Variants in FNDC3A observed in about 807,000 individuals in gnomAD.
The protein encoded by FNDC3A is fibronectin type-III domain-containing protein 3A.
A neutral mutation model predicts 148.9 loss-of-function variants in FNDC3A; 32 were observed. The ratio of observed to expected loss-of-function variants is 0.21; its 90% CI spans 0.16 to 0.29. The LOEUF is 0.29. Among genes scored for constraint, FNDC3A ranks in the 10% least tolerant of loss-of-function variants. The pLI is 1.00. For missense variants in FNDC3A, 1,191 were observed against 1,452.8 expected, an observed-to-expected ratio of 0.82 and a Z score of 2.93; for synonymous variants, 472 against 473.6, an observed-to-expected ratio of 1.00 and a Z score of 0.04.
chr13:49,046,782 C>G (rs996659848), intron 2 of FNDC3A: 2 of 152,042 alleles, frequency 1.3e-5, no homozygotes, highest in African/African-American at 4.8e-5. Context: ...ATGAGTCTAC[C>G]CAGTCTTCCG....
chr13:48,985,894 C>A (rs1951782120), intron 1 of FNDC3A, among the ~76,000 whole-genome samples: 1 of 152,220 alleles, frequency 6.6e-6, no homozygotes, highest in Non-Finnish European at 1.5e-5. Flanking sequence ...CATAACAACA[C>A]ATGCAAGGCT....
At chr13:49,146,203 T>C in intron 8 of FNDC3A, 1 of 329,836 alleles carries the variant, frequency 3.0e-6, no homozygotes, top group Non-Finnish European at 5.5e-6. Flanking sequence ...AGTATTCACG[T>C]ATTCTTAATG....
At chr13:48,987,961 T>A (rs1373597482) in intron 1 of FNDC3A, 3 of 152,178 alleles carry the variant, frequency 2.0e-5, no homozygotes, top group African/African-American at 7.2e-5. Flanking sequence ...GCAGAGAAGA[T>A]TAGCATGGCC....
chr13:49,160,120 A>T (rs1883998339), intron 8 of FNDC3A, among the ~76,000 whole-genome samples: 1 of 152,182 alleles, frequency 6.6e-6, no homozygotes, highest in Non-Finnish European at 1.5e-5. Flanking sequence ...TATCAGGATG[A>T]TGCTGGCCTC....
At chr13:49,190,513 A>G (rs1399290854) in intron 17 of FNDC3A, among the ~76,000 whole-genome samples, 2 of 152,184 alleles carry the variant, frequency 1.3e-5, no homozygotes, top group Admixed American at 6.5e-5. Flanking sequence ...CCAAGACCCC[A>G]TCTCTAAAAA....
intron 2 of FNDC3A, among the ~76,000 whole-genome samples, chr13:49,010,406 T>C (rs1952315942): frequency 6.6e-6 from 1 of 152,274 alleles, no homozygotes; most frequent in East Asian, 1.9e-4. Flanking sequence ...TCTGTAAGAA[T>C]TGGCTATCCC....
intron 1 of FNDC3A, among the ~76,000 whole-genome samples, chr13:49,000,238 C>T (rs1952101490): frequency 6.6e-6 from 1 of 152,040 alleles, no homozygotes; most frequent in Admixed American, 6.6e-5. Flanking sequence ...ATCTTTAATC[C>T]ATTTTGAGTT....
At chr13:49,103,952 A>G (rs1335245207) in intron 3 of FNDC3A, among the ~76,000 whole-genome samples, 2 of 152,196 alleles carry the variant, frequency 1.3e-5, no homozygotes, top group Non-Finnish European at 2.9e-5. Flanking sequence ...TTGAGAGATC[A>G]TGTAGAATAA....
At chr13:48,993,747 G>A (rs988098527) in intron 1 of FNDC3A, among the ~76,000 whole-genome samples, 4 of 152,088 alleles carry the variant, frequency 2.6e-5, no homozygotes, top group African/African-American at 9.7e-5. Flanking sequence ...GAACCTAGGT[G>A]GCAAGTATAT....
rs955818472 is a variant in FNDC3A at position 48,976,149 on chromosome 13, C to T, written c.-68C>T. 6.6e-6 allele frequency: 1 copy of T among 152,312 alleles called. No homozygotes were observed. The highest frequency in any genetic ancestry group is 2.4e-5 in the African/African-American group (1 of 41,470). The allele number at this position is 152,312 out of a possible 1,614,324, so 9.4% of individuals were successfully genotyped here. ...TAAGAAGAGGCGCCAGAGGAGCCGC[C>T]TTCTGCCTCAGAACGGCGTGACTCG... is the stretch of plus-strand genomic sequence containing the variant. On this transcript the variant is annotated 5_prime_UTR_variant, in exon 1 of 26. Transcript: ENST00000492622.
intron 2 of FNDC3A, among the ~76,000 whole-genome samples, chr13:49,012,343 G>C (rs1002806853): frequency 1.3e-5 from 2 of 152,030 alleles, no homozygotes; most frequent in Non-Finnish European, 2.9e-5. Context: ...TTGATCTCCT[G>C]ACCTCGTGAT....
intron 5 of FNDC3A, among the ~76,000 whole-genome samples, chr13:49,134,841 CTTTTTTT>C (rs1168216037): frequency 0.051 from 135 of 2,638 alleles, no homozygotes; most frequent in Non-Finnish European, 0.069. Context: ...GAGTTTCACT[CTTTTTTT>C]TTTTTTTTTT....
intron 2 of FNDC3A, chr13:49,045,167 C>G (rs1593512064): frequency 6.0e-6 from 1 of 166,514 alleles, no homozygotes; most frequent in Non-Finnish European, 1.2e-5. Context: ...TCCTTTCCTT[C>G]TTTTTTAATG....
At chr13:49,178,469 TAGA>T in intron 13 of FNDC3A, 96 bp from the exon 14 acceptor site, 1 of 733,890 alleles carries the variant, frequency 1.4e-6, no homozygotes, top group Non-Finnish European at 2.4e-6. Flanking sequence ...TTGCACATAG[TAGA>T]AGATGAAGAG....
intron 3 of FNDC3A, among the ~76,000 whole-genome samples, chr13:49,098,205 C>T (rs17072699): frequency 0.02 from 3,009 of 152,104 alleles, 109 homozygotes; most frequent in African/African-American, 0.068. Flanking sequence ...CTAGCACAAC[C>T]CTTTTTGACA....
chr13:49,112,537 A>G (rs1880643456), intron 3 of FNDC3A, among the ~76,000 whole-genome samples: 1 of 152,198 alleles, frequency 6.6e-6, no homozygotes, highest in Non-Finnish European at 1.5e-5. Flanking sequence ...TTACGGATGT[A>G]AAGACAACAA....
chr13:49,207,177 T>A lies in FNDC3A; in HGVS notation c.3379T>A (p.Ser1127Thr), dbSNP rs1485117161. 1.2e-6 allele frequency: 2 copies of A among 1,614,078 alleles called. No individual in the cohort carries two copies. Among genetic ancestry groups the A allele is most frequent in the Admixed American group, 1.7e-5 (1 of 60,020 alleles). Residue 1127 changes from serine (S) to threonine (T), a missense_variant, in exon 26 of 26, where the codon TCT becomes ACT. Physicochemically the swap from Ser to Thr is moderately conservative, Grantham distance 58 (BLOSUM62 1). This residue lies in a region of FNDC3A where 751 missense variants were observed against 944.0 expected (regional missense o/e 0.80). Coordinates refer to ENST00000492622, the MANE Select transcript of FNDC3A (RefSeq NM_001079673.2). ...ATGTGCCATTCGCCAGTGCCAAGAC[T>A]CTCTGGGACACCAGGACCTCGTAGG... is the stretch of plus-strand genomic sequence containing the variant. ...RVCAIRQCQD[S>T]LGHQDLVGPY... is the part of the protein sequence containing the mutation.
chr13:49,005,561 C>A (rs1028822167), intron 1 of FNDC3A, among the ~76,000 whole-genome samples: 3 of 151,780 alleles, frequency 2.0e-5, no homozygotes, highest in African/African-American at 7.3e-5. Context: ...GTAATACAAT[C>A]AAAATAAGTA....
At chr13:49,045,733 C>T in intron 2 of FNDC3A, 1 of 962,224 alleles carries the variant, frequency 1.0e-6, no homozygotes, top group Non-Finnish European at 1.5e-6. Flanking sequence ...AAAACCCTGT[C>T]AGGATGTTTT....
Sources: gnomAD v4.1 joint callset for allele counts (sites outside exome capture counted in the v4.1 genomes callset) on GRCh38, gnomAD v4.1.1 for gene constraint, gnomAD v4.1.1 regional missense constraint, MANE v1.5 for transcripts, NCBI Gene and HGNC (gene_info 2026-07-23, HGNC 2026-07-21) for gene names.